DNAJC6: variants seen among roughly 807,000 people sequenced by gnomAD.
DNAJC6 encodes DnaJ heat shock protein family (Hsp40) member C6.
DNAJC6 carries 34 observed loss-of-function variants against 110.0 expected under a neutral mutation model. That is an observed-to-expected ratio of 0.31 (90% confidence interval 0.24 to 0.41). DNAJC6 has a LOEUF of 0.41. DNAJC6 is among the 10% of genes least tolerant of loss of function. DNAJC6 has a pLI of 1.00. For synonymous variants in DNAJC6, 406 were observed against 437.2 expected, an observed-to-expected ratio of 0.93 and a Z score of 0.89; for missense variants, 1,031 against 1,207.8, an observed-to-expected ratio of 0.85 and a Z score of 2.17.
At chr1:65,384,461 T>A in intron 6 of DNAJC6, 135 bp downstream of exon 6, 1 of 867,982 alleles carries the variant, frequency 1.2e-6, no homozygotes, top group East Asian at 3.3e-5. Context: ...AATATTGCTA[T>A]GAAGAACTAC....
intron 5 of DNAJC6, among the ~76,000 whole-genome samples, chr1:65,382,248 T>C (rs777308963): frequency 9.2e-5 from 14 of 152,362 alleles, no homozygotes; most frequent in East Asian, 7.7e-4. Context: ...AGATAGTTTA[T>C]TGGAGTCCTG....
rs183344684 is a variant in DNAJC6 at position 65,414,730 on chromosome 1, A to G, written c.*1705A>G. 1.1e-4 allele frequency: 17 copies of G among 152,758 alleles called. No homozygotes were observed. The highest frequency in any genetic ancestry group is 9.2e-4 in the Admixed American group (14 of 15,292). 9.5% of individuals were successfully genotyped at this position (152,758 alleles called of 1,614,324 possible). A position where few individuals can be genotyped will look rare whatever the true frequency, so the allele number is the denominator to read the frequency against. ...AACCATAACAAACTAGGTGTTATTT[A>G]TTAACGTATTATAAAATAATGTTTG... is the stretch of plus-strand genomic sequence containing the variant. On this transcript the variant is annotated 3_prime_UTR_variant, in exon 19 of 19. Transcript: ENST00000371069.
intron 1 of DNAJC6, among the ~76,000 whole-genome samples, chr1:65,294,408 G>A (rs1474639017): frequency 1.3e-5 from 2 of 151,318 alleles, no homozygotes; most frequent in Non-Finnish European, 3.0e-5. Context: ...TGTTGACTAT[G>A]AAAAAAAAAT....
intron 1 of DNAJC6, among the ~76,000 whole-genome samples, chr1:65,289,095 A>G (rs935600094): frequency 1.3e-5 from 2 of 152,224 alleles, no homozygotes; most frequent in Non-Finnish European, 2.9e-5. Flanking sequence ...ACTGCCAAAC[A>G]GTTTTACAAA....
In DNAJC6 at chr1:65,364,610, G is replaced by GTTT. The variant is rs753560538; in HGVS notation, c.194-24_194-22dup. 3.6e-4 allele frequency: 525 copies of GTTT among 1,442,058 alleles called. 79 individuals are homozygous for GTTT. The Admixed American group carries it at 4.3e-3, about 12-fold the overall frequency. 89.3% of individuals were successfully genotyped at this position (1,442,058 alleles called of 1,614,324 possible). Reference sequence around the variant, plus strand: ...TTCTCTGCCATCACCATTTTTGTTTGTTTGTTTTTTTTTTTTTTTGGCAGG... The same window carrying GTTT: ...TTCTCTGCCATCACCATTTTTGTTTGTTTTTTGTTTTTTTTTTTTTTTGGCAGG... On this transcript the variant is annotated intron_variant, in intron 1 of 18. Coordinates refer to ENST00000371069, the MANE Select transcript of DNAJC6 (RefSeq NM_001256864.2).
At chr1:65,265,339 TAAAA>T (rs1177701153) in intron 1 of DNAJC6, among the ~76,000 whole-genome samples, 2 of 152,214 alleles carry the variant, frequency 1.3e-5, no homozygotes, top group African/African-American at 2.4e-5. Flanking sequence ...AATTGGGACT[TAAAA>T]CAGTTTGGGT....
intron 1 of DNAJC6, among the ~76,000 whole-genome samples, chr1:65,322,614 A>G (rs1036847764): frequency 6.6e-6 from 1 of 152,214 alleles, no homozygotes; most frequent in African/African-American, 2.4e-5. Context: ...ACCTGTGGGA[A>G]AAATTCCTAG....
At chr1:65,268,475 T>C (rs1414304624) in intron 1 of DNAJC6, among the ~76,000 whole-genome samples, 2 of 152,208 alleles carry the variant, frequency 1.3e-5, no homozygotes, top group Non-Finnish European at 2.9e-5. Context: ...ACAACTGTTA[T>C]GTGAAAAGCT....
At chr1:65,406,681 G>C (rs573346250) in intron 16 of DNAJC6, among the ~76,000 whole-genome samples, 1 of 152,304 alleles carries the variant, frequency 6.6e-6, no homozygotes, top group Non-Finnish European at 1.5e-5. Context: ...GATCAGCGGG[G>C]TACCTATGAT....
At chr1:65,349,570 C>T (rs1053098322) in intron 1 of DNAJC6, among the ~76,000 whole-genome samples, 1 of 151,960 alleles carries the variant, frequency 6.6e-6, no homozygotes, top group African/African-American at 2.4e-5. Flanking sequence ...GGATTTTTTG[C>T]TGTCTATAAA....
At chr1:65,277,947 G>T (rs1174633790) in intron 1 of DNAJC6, among the ~76,000 whole-genome samples, 1 of 152,126 alleles carries the variant, frequency 6.6e-6, no homozygotes, top group East Asian at 1.9e-4. Flanking sequence ...GTGAAGGAAA[G>T]GTAAATGTTA....
intron 1 of DNAJC6, among the ~76,000 whole-genome samples, chr1:65,325,556 A>G (rs1645234551): frequency 6.6e-6 from 1 of 152,172 alleles, no homozygotes; most frequent in South Asian, 2.1e-4. Flanking sequence ...TGTTTTTGTT[A>G]TTTGTACTGT....
Position 65,309,598 on chromosome 1 carries a change from G to T in DNAJC6, c.-148G>T. On this transcript the variant is annotated 5_prime_UTR_variant, in exon 1 of 19. Coordinates refer to ENST00000371069, the MANE Select transcript of DNAJC6 (RefSeq NM_001256864.2). ...GCCTCGCCCGGCGAAGCTTCTCTCC[G>T]GTGGCCGCTCCTTCTTTTCCCTCCT... 1 of 1,189,120 alleles carries T rather than the reference G, an allele frequency of 8.4e-7. No individual in the cohort carries two copies. Among genetic ancestry groups the T allele is most frequent in the Non-Finnish European group, 1.0e-6 (1 of 955,764 alleles). 73.7% of individuals were successfully genotyped at this position (1,189,120 alleles called of 1,614,324 possible).
At chr1:65,328,674 A>T (rs755221971) in intron 1 of DNAJC6, among the ~76,000 whole-genome samples, 1 of 152,148 alleles carries the variant, frequency 6.6e-6, no homozygotes, top group Non-Finnish European at 1.5e-5. Flanking sequence ...AAAGTACTTG[A>T]CCCCAATGGG....
At chr1:65,346,255 C>T (rs57686606) in intron 1 of DNAJC6, among the ~76,000 whole-genome samples, 1,576 of 152,248 alleles carry the variant, frequency 0.01, 27 homozygotes, top group African/African-American at 0.035. Context: ...AAATTTTCTT[C>T]GGCTGGCTTG....
intron 16 of DNAJC6, 67 bp downstream of exon 16, chr1:65,406,200 G>T: frequency 6.5e-7 from 1 of 1,545,142 alleles, no homozygotes; most frequent in Non-Finnish European, 8.8e-7. Context: ...GCCTGAATGT[G>T]TCTCTCTGAA....
At chr1:65,317,861 A>G (rs892464564) in intron 1 of DNAJC6, among the ~76,000 whole-genome samples, 2 of 152,250 alleles carry the variant, frequency 1.3e-5, no homozygotes, top group Non-Finnish European at 2.9e-5. Flanking sequence ...AACCAGGAAG[A>G]CTAAAGAAGG....
intron 1 of DNAJC6, among the ~76,000 whole-genome samples, chr1:65,272,738 C>T (rs941853250): frequency 6.6e-6 from 1 of 152,178 alleles, no homozygotes; most frequent in African/African-American, 2.4e-5. Flanking sequence ...TGAGGTCTCA[C>T]TATGTTGCCC....
chr1:65,368,273 A>G (rs952234864), intron 4 of DNAJC6, among the ~76,000 whole-genome samples: 2 of 152,150 alleles, frequency 1.3e-5, no homozygotes, highest in African/African-American at 4.8e-5. Context: ...TTTCTTGCCT[A>G]TACAAATCAT....
Sources: allele counts gnomAD v4.1 joint callset (sites outside exome capture counted in the v4.1 genomes callset), GRCh38; gene constraint gnomAD v4.1.1; transcripts MANE v1.5; gene names NCBI Gene and HGNC (gene_info 2026-07-23, HGNC 2026-07-21).